Variants in IL18 observed in about 807,000 individuals in gnomAD.
The protein encoded by IL18 is interleukin 18.
In IL18, 8 loss-of-function variants were observed where a neutral mutation model predicts 14.2. That is an observed-to-expected ratio of 0.56 (90% CI 0.33 to 1.01). IL18 has a LOEUF of 1.01. Among genes scored for constraint, IL18 ranks in the 50% least tolerant of loss-of-function variants. IL18 has a pLI of 0.03. For synonymous variants in IL18, 67 were observed against 71.0 expected (o/e 0.94, Z 0.28); for missense variants, 166 against 231.1 (o/e 0.72, Z 1.83).
chr11:112,158,286 C>T (rs574599138), intron 1 of IL18, among the ~76,000 whole-genome samples: 82 of 152,308 alleles, frequency 5.4e-4, no homozygotes, highest in African/African-American at 1.9e-3. Context: ...CTGCGCCCAG[C>T]CAAAGTTAAC....
intron 5 of IL18, among the ~76,000 whole-genome samples, chr11:112,144,161 G>T (rs1191253466): frequency 2.0e-5 from 3 of 152,162 alleles, no homozygotes; most frequent in African/African-American, 7.2e-5. Context: ...GTCAATTTCT[G>T]TCCTCTATAA....
At chr11:112,149,273 GC>G (rs1866394657) in intron 4 of IL18, among the ~76,000 whole-genome samples, 1 of 152,002 alleles carries the variant, frequency 6.6e-6, no homozygotes, top group African/African-American at 2.4e-5. Context: ...CTGCACTTCA[GC>G]CTGGGTGACA....
chr11:112,149,997 G>A lies in IL18; in HGVS notation c.226+75C>T, dbSNP rs532593587. On this transcript the variant is annotated intron_variant, in intron 4 of 5. Coordinates refer to ENST00000280357, the MANE Select transcript of IL18 (RefSeq NM_001562.4). ...TTCATCTGAGGATTGGGACTAGCAC[G>A]GAACAATGTAAGCAGTAAAACAGAA... The A allele has an allele frequency of 2.8e-4, 365 of 1,288,866 alleles. 1 individual carries two copies. In the African/African-American group the frequency reaches 3.3e-3, roughly 12 times the overall value. 79.8% of individuals were successfully genotyped at this position (1,288,866 alleles called of 1,614,324 possible). A position where few individuals can be genotyped will look rare whatever the true frequency, so the allele number is the denominator to read the frequency against.
intron 1 of IL18, among the ~76,000 whole-genome samples, chr11:112,162,495 T>C (rs1866649418): frequency 6.6e-6 from 1 of 152,022 alleles, no homozygotes; most frequent in Non-Finnish European, 1.5e-5. Context: ...AGGCACATAC[T>C]ACCACATCTG....
chr11:112,153,609 A>G lies in IL18; in HGVS notation c.80-6T>C. 6.5e-7 allele frequency: 1 copy of G among 1,550,344 alleles called. No homozygotes were observed. On this transcript the variant is annotated splice_polypyrimidine_tract_variant and splice_region_variant and intron_variant, in intron 2 of 5. Transcript: ENST00000280357. ...TACTTTACCATCATCTTCAGCTAAG[A>G]GGGGGAAAAAGAGAGAAACAGAATA...
chr11:112,158,125 G>C (rs920031333), intron 1 of IL18, among the ~76,000 whole-genome samples: 1 of 152,106 alleles, frequency 6.6e-6, no homozygotes, highest in Non-Finnish European at 1.5e-5. Context: ...GGGATAACAG[G>C]GGTAAGCCAC....
chr11:112,158,306 G>GA (rs2135322537), intron 1 of IL18, among the ~76,000 whole-genome samples: 1 of 152,200 alleles, frequency 6.6e-6, no homozygotes, highest in Admixed American at 6.5e-5. Flanking sequence ...CTTTTCTTTG[G>GA]AAAAAACGTA....
chr11:112,149,558 G>GTTTTTTTTTTTTTTTTTTTTT (rs561459069), intron 4 of IL18, among the ~76,000 whole-genome samples: 1 of 99,374 alleles, frequency 1.0e-5, no homozygotes, highest in African/African-American at 3.9e-5. Context: ...CTTTTCTTAA[G>GTTTTTTTTTTTTTTTTTTTTT]TTTTTTTTTT....
At chr11:112,158,630 A>G (rs560132291) in intron 1 of IL18, among the ~76,000 whole-genome samples, 1 of 151,636 alleles carries the variant, frequency 6.6e-6, no homozygotes, top group Non-Finnish European at 1.5e-5. Flanking sequence ...AATAACCTGT[A>G]TGTCTGAAGA....
chr11:112,143,304 G>A lies in IL18; in HGVS notation c.*292C>T, dbSNP rs897517060. ...TTTATTTATTTTATTTTTTGAGATG[G>A]AGTTTTGCTGTTGTTGCCCAGGCTA... On this transcript the variant is annotated 3_prime_UTR_variant, in exon 6 of 6. Coordinates refer to ENST00000280357, the MANE Select transcript of IL18 (RefSeq NM_001562.4). 1 of 206,222 alleles carries A rather than the reference G, an allele frequency of 4.8e-6. No individual in the cohort carries two copies. The allele number at this position is 206,222 out of a possible 1,614,324, so 12.8% of individuals were successfully genotyped here.
At chr11:112,163,097 C>T (rs933821456) in intron 1 of IL18, among the ~76,000 whole-genome samples, 3 of 152,070 alleles carry the variant, frequency 2.0e-5, no homozygotes, top group Admixed American at 6.5e-5. Context: ...GGCAAAAAGA[C>T]GAATTTCAGG....
intron 1 of IL18, among the ~76,000 whole-genome samples, chr11:112,158,998 A>T (rs4937113): frequency 0.54 from 82,163 of 151,260 alleles, 22,414 homozygotes; most frequent in South Asian, 0.68. Context: ...TGACTTAAAT[A>T]GGAGAAAGAT....
At chr11:112,145,542 A>G (rs1866321641) in intron 5 of IL18, among the ~76,000 whole-genome samples, 1 of 152,134 alleles carries the variant, frequency 6.6e-6, no homozygotes, top group Admixed American at 6.5e-5. Context: ...GATCGAGACC[A>G]TCCTGGCTAA....
intron 2 of IL18, among the ~76,000 whole-genome samples, chr11:112,154,646 C>T (rs1399167758): frequency 2.6e-5 from 4 of 152,160 alleles, no homozygotes; most frequent in African/African-American, 9.7e-5. Context: ...CCTGAATGCA[C>T]CCAGTTTTGT....
chr11:112,163,414 C>T (rs1030875232), intron 1 of IL18, among the ~76,000 whole-genome samples: 8 of 152,270 alleles, frequency 5.3e-5, no homozygotes, highest in Non-Finnish European at 8.8e-5. Flanking sequence ...AATTCTAAGA[C>T]GTAATTTGTC....
chr11:112,150,043 T>C, intron 4 of IL18, 29 bp downstream of exon 4: 1 of 1,579,498 alleles, frequency 6.3e-7, no homozygotes, highest in South Asian at 1.2e-5. Flanking sequence ...TAGCTAGTCA[T>C]TTCTATGTTT....
intron 5 of IL18, among the ~76,000 whole-genome samples, chr11:112,145,215 C>T (rs943940545): frequency 6.6e-6 from 1 of 152,202 alleles, no homozygotes. Context: ...TAACTCTTGA[C>T]CTTTGTTCTT....
At chr11:112,151,356 T>C (rs1469193367) in intron 3 of IL18, among the ~76,000 whole-genome samples, 3 of 152,152 alleles carry the variant, frequency 2.0e-5, no homozygotes, top group Non-Finnish European at 4.4e-5. Flanking sequence ...TGTCTGTATA[T>C]ATACATAGAA....
At chr11:112,154,455 G>A (rs956551731) in intron 2 of IL18, among the ~76,000 whole-genome samples, 1 of 151,770 alleles carries the variant, frequency 6.6e-6, no homozygotes, top group East Asian at 1.9e-4. Flanking sequence ...GAACCCAGGA[G>A]GTGGAGGTTG....
Sources: gnomAD v4.1 joint callset for allele counts (sites outside exome capture counted in the v4.1 genomes callset) on GRCh38, gnomAD v4.1.1 for gene constraint, MANE v1.5 for transcripts, NCBI Gene and HGNC (gene_info 2026-07-23, HGNC 2026-07-21) for gene names.